DOCK9: variants seen among roughly 807,000 people sequenced by gnomAD.
DOCK9 encodes dedicator of cytokinesis 9.
In DOCK9, 89 loss-of-function variants were observed where a neutral mutation model predicts 263.3. The observed-to-expected ratio is 0.34, with a 90% CI of 0.28 to 0.40. The LOEUF is 0.40. Among genes scored for constraint, DOCK9 ranks in the 10% least tolerant of loss-of-function variants. DOCK9 has a pLI of 1.00. For synonymous variants in DOCK9, 976 were observed against 973.1 expected (o/e 1.00, Z -0.06); for missense variants, 2,140 against 2,603.4 (o/e 0.82, Z 3.87).
At chr13:98,974,748 C>CAAAAAAAAAAAAAAAAA (rs57196019) in intron 1 of DOCK9, among the ~76,000 whole-genome samples, 1 of 33,206 alleles carries the variant, frequency 3.0e-5, no homozygotes. Context: ...AACTCTGTCT[C>CAAAAAAAAAAAAAAAAA]AAAAAAAAAA....
At chr13:99,063,966 T>C (rs143558299) in intron 1 of DOCK9, among the ~76,000 whole-genome samples, 330 of 152,312 alleles carry the variant, frequency 2.2e-3, no homozygotes, top group African/African-American at 7.3e-3. Context: ...AACACTTTCA[T>C]AGCCTCACCT....
chr13:99,056,684 G>A (rs1407735623), intron 1 of DOCK9, among the ~76,000 whole-genome samples: 9 of 152,106 alleles, frequency 5.9e-5, no homozygotes, highest in Admixed American at 4.6e-4. Flanking sequence ...CACCTGCTGG[G>A]GTGGCTGCCC....
chr13:98,975,509 A>AC (rs1555436469), intron 1 of DOCK9, among the ~76,000 whole-genome samples: 2 of 149,364 alleles, frequency 1.3e-5, no homozygotes, highest in Admixed American at 6.8e-5. Flanking sequence ...ACACACACAC[A>AC]AGTTATACTG....
At chr13:99,076,595 G>A (rs1280348591) in intron 1 of DOCK9, among the ~76,000 whole-genome samples, 1 of 152,188 alleles carries the variant, frequency 6.6e-6, no homozygotes, top group Non-Finnish European at 1.5e-5. Context: ...ATATGATAGA[G>A]CCTGTGCATT....
intron 9 of DOCK9, among the ~76,000 whole-genome samples, chr13:98,910,651 A>C (rs772451610): frequency 6.6e-6 from 1 of 152,160 alleles, no homozygotes; most frequent in Non-Finnish European, 1.5e-5. Context: ...AGGATGAAGG[A>C]GGTTAGAGGA....
At chr13:98,873,052 T>C (rs2094229954) in intron 27 of DOCK9, among the ~76,000 whole-genome samples, 1 of 152,124 alleles carries the variant, frequency 6.6e-6, no homozygotes, top group Non-Finnish European at 1.5e-5. Flanking sequence ...CTTGCTCACC[T>C]CTCTTACTTA....
At chr13:99,057,330 T>C (rs188846737) in intron 1 of DOCK9, among the ~76,000 whole-genome samples, 7 of 152,328 alleles carry the variant, frequency 4.6e-5, no homozygotes, top group East Asian at 1.9e-4. Flanking sequence ...AGTTGACATA[T>C]TGGGCCTGAA....
Position 98,915,353 on chromosome 13 carries a change from T to C in DOCK9, c.868A>G (p.Lys290Glu). The change falls in exon 8 of 53, where the codon AAG (lysine) becomes GAG (glutamate). Residue 290 changes from lysine to glutamate, a missense_variant. Lys to Glu is a moderately conservative substitution (Grantham distance 56, BLOSUM62 1). Coordinates refer to ENST00000682017, the MANE Select transcript of DOCK9 (RefSeq NM_001366683.2). The part of the protein sequence containing the change: ...QLNFEAAMQE[K>E]RNGDSHEDDE... The stretch of plus-strand genomic sequence containing the variant: ...CCTTCGTGAGAGTCGCCATTTCGCT[T>C]TTCTTGCATTGCAGCTTCAAAGTTG... 6.2e-7 allele frequency: 1 copy of C among 1,613,926 alleles called. No homozygotes were observed. The highest frequency in any genetic ancestry group is 8.5e-7 in the Non-Finnish European group (1 of 1,179,854).
At chr13:98,816,115 G>A (rs1725027098) in intron 45 of DOCK9, among the ~76,000 whole-genome samples, 2 of 151,908 alleles carry the variant, frequency 1.3e-5, no homozygotes, top group South Asian at 4.1e-4. Flanking sequence ...CTTGACACTG[G>A]GGTTATAAAA....
intron 1 of DOCK9, among the ~76,000 whole-genome samples, chr13:98,985,665 T>C (rs1878282408): frequency 6.6e-6 from 1 of 152,226 alleles, no homozygotes; most frequent in Non-Finnish European, 1.5e-5. Context: ...GATGGAAACT[T>C]ACAAAGCCAA....
chr13:99,022,416 G>T (rs1733964224), intron 1 of DOCK9, among the ~76,000 whole-genome samples: 2 of 152,238 alleles, frequency 1.3e-5, no homozygotes. Flanking sequence ...AAAGAACACA[G>T]GTTTCTCCAG....
intron 3 of DOCK9, 138 bp from the exon 4 acceptor site, chr13:98,926,057 A>C: frequency 1.7e-6 from 1 of 572,916 alleles, no homozygotes. Context: ...TAATGCCTGA[A>C]ATTCCACCAC....
intron 1 of DOCK9, among the ~76,000 whole-genome samples, chr13:99,062,395 C>G (rs2041230227): frequency 1.3e-5 from 2 of 152,146 alleles, no homozygotes; most frequent in Non-Finnish European, 2.9e-5. Context: ...AAAAACCCAC[C>G]AATCTATTTC....
intron 9 of DOCK9, among the ~76,000 whole-genome samples, chr13:98,906,794 G>A (rs1178054982): frequency 6.6e-6 from 1 of 152,108 alleles, no homozygotes; most frequent in Admixed American, 6.6e-5. Flanking sequence ...TATAAAATGG[G>A]CACCAGAATA....
intron 48 of DOCK9, among the ~76,000 whole-genome samples, chr13:98,806,007 G>A (rs771372658): frequency 1.5e-4 from 23 of 152,144 alleles, no homozygotes; most frequent in Non-Finnish European, 2.5e-4. Flanking sequence ...TGATCCGCCC[G>A]CCTTGGCCTC....
chr13:99,033,432 C>A (rs1480231828), intron 1 of DOCK9, among the ~76,000 whole-genome samples: 1 of 152,124 alleles, frequency 6.6e-6, no homozygotes, highest in Non-Finnish European at 1.5e-5. Flanking sequence ...CATGCATGAG[C>A]GGGAATGCCC....
intron 45 of DOCK9, 79 bp downstream of exon 45, chr13:98,824,319 G>T: frequency 7.9e-7 from 1 of 1,273,030 alleles, no homozygotes; most frequent in Non-Finnish European, 1.1e-6. Context: ...AAAAGCCCTG[G>T]TCTGATGCAC....
At chr13:99,015,452 A>C (rs1885250381) in intron 1 of DOCK9, 1 of 1,593,508 alleles carries the variant, frequency 6.3e-7, no homozygotes, top group Non-Finnish European at 8.5e-7. Flanking sequence ...TTTACCAGCC[A>C]GGAGGAGATC....
In DOCK9 at chr13:98,950,197, T is replaced by A. The variant is rs1356865707; in HGVS notation, c.243+5238A>T. ...GATGCGTAAAACAAAGGCCAAGGAA[T>A]GTTTATCTGGCAATTCCAAGGCATG... On this transcript the variant is annotated intron_variant, in intron 2 of 52. Coordinates refer to ENST00000682017, the MANE Select transcript of DOCK9 (RefSeq NM_001366683.2). 5 of 999,666 alleles carry A rather than the reference T, an allele frequency of 5.0e-6. No homozygotes were observed. In the East Asian group the frequency reaches 1.3e-4, roughly 26 times the overall value. The allele number at this position is 999,666 out of a possible 1,614,324, so 61.9% of individuals were successfully genotyped here.
Sources: gnomAD v4.1 joint callset for allele counts (sites outside exome capture counted in the v4.1 genomes callset) on GRCh38, gnomAD v4.1.1 for gene constraint, MANE v1.5 for transcripts, NCBI Gene and HGNC (gene_info 2026-07-23, HGNC 2026-07-21) for gene names.